Variants in ATL2 observed in about 807,000 individuals in gnomAD.
The protein encoded by ATL2 is atlastin GTPase 2.
Under a neutral mutation model 73.9 loss-of-function variants are expected in ATL2, and 31 were observed. The ratio of observed to expected loss-of-function variants is 0.42; its 90% CI spans 0.32 to 0.57. The LOEUF is 0.57. ATL2 is among the 20% of genes least tolerant of loss of function. The pLI, the probability that ATL2 is intolerant of heterozygous loss-of-function variation, is 0.14. For synonymous variants in ATL2, 291 were observed against 237.5 expected, an observed-to-expected ratio of 1.23 and a Z score of -2.07; for missense variants, 738 against 702.6, an observed-to-expected ratio of 1.05 and a Z score of -0.57.
At chr2:38,321,015 C>T (rs1199039856) in intron 2 of ATL2, among the ~76,000 whole-genome samples, 1 of 150,564 alleles carries the variant, frequency 6.6e-6, no homozygotes, top group Non-Finnish European at 1.5e-5. Context: ...ATTAGCCAGG[C>T]GTGGCGGCAC....
chr2:38,298,940 C>T (rs1419598919), intron 11 of ATL2, among the ~76,000 whole-genome samples: 1 of 152,132 alleles, frequency 6.6e-6, no homozygotes, highest in East Asian at 1.9e-4. Context: ...CAAGCAAGTA[C>T]AGAAACTGCT....
chr2:38,302,992 A>C (rs1347674720), intron 9 of ATL2, among the ~76,000 whole-genome samples: 2 of 152,206 alleles, frequency 1.3e-5, no homozygotes, highest in Non-Finnish European at 2.9e-5. Flanking sequence ...AGCACCAGTG[A>C]CCAATCCTGG....
Position 38,318,525 on chromosome 2 carries a change from T to G in ATL2, c.603+10A>C. 6.4e-7 allele frequency: 1 copy of G among 1,563,828 alleles called. No individual in the cohort carries two copies. The stretch of plus-strand genomic sequence containing the variant: ...GTGAACTGATCGCACCACTTAATCT[T>G]GTGTCTCACCTGGACAGAGCTAGTC... On this transcript the variant is annotated intron_variant, in intron 4 of 12. Coordinates refer to ENST00000378954, the MANE Select transcript of ATL2 (RefSeq NM_001135673.4).
chr2:38,300,131 C>T (rs1276578283), intron 10 of ATL2, 141 bp downstream of exon 10: 17 of 632,548 alleles, frequency 2.7e-5, no homozygotes, highest in Non-Finnish European at 4.0e-5. Flanking sequence ...TTAGGACCCA[C>T]GACACATACG....
At chr2:38,339,209 C>T (rs955911502) in intron 2 of ATL2, among the ~76,000 whole-genome samples, 1 of 151,546 alleles carries the variant, frequency 6.6e-6, no homozygotes, top group Non-Finnish European at 1.5e-5. Flanking sequence ...AGGGAAACTA[C>T]GTCTCAAAAA....
chr2:38,316,782 C>G (rs1668046586), intron 4 of ATL2, among the ~76,000 whole-genome samples: 1 of 152,044 alleles, frequency 6.6e-6, no homozygotes, highest in Non-Finnish European at 1.5e-5. Flanking sequence ...AGGTCTCTTA[C>G]TATCAAAAAG....
At chr2:38,329,799 A>T (rs569241319) in intron 2 of ATL2, among the ~76,000 whole-genome samples, 3 of 152,186 alleles carry the variant, frequency 2.0e-5, no homozygotes, top group Admixed American at 1.3e-4. Context: ...AACAACTTAA[A>T]GTCAATAAAT....
rs763899562 is a variant in ATL2, at chr2:38,309,477, G to C, written c.973C>G (p.Arg325Gly). ...DIDEDFKREL[R>G]NLVPLLLAPE... ...GCAAGCAGCAATGGAACCAGATTTC[G>C]AAGCTCTCGTTTAAAGTCTTCATCA... Residue 325 changes from arginine (R) to glycine (G), a missense_variant, in exon 9 of 13, where the codon CGA becomes GGA. Transcript: ENST00000378954. 13 of 1,612,178 alleles carry C rather than the reference G, an allele frequency of 8.1e-6. No individual in the cohort carries two copies. Among genetic ancestry groups the C allele is most frequent in the Non-Finnish European group, 1.1e-5 (13 of 1,179,608 alleles).
At chr2:38,316,483 T>C (rs959082035) in intron 4 of ATL2, among the ~76,000 whole-genome samples, 2 of 152,186 alleles carry the variant, frequency 1.3e-5, no homozygotes, top group African/African-American at 4.8e-5. Flanking sequence ...CAGTATGTAT[T>C]TGTTGAAGGA....
intron 4 of ATL2, among the ~76,000 whole-genome samples, chr2:38,317,952 T>C (rs1035782636): frequency 1.7e-4 from 26 of 152,088 alleles, no homozygotes; most frequent in Non-Finnish European, 3.1e-4. Context: ...GAAATGTAAA[T>C]AGCTCTCAAG....
chr2:38,339,543 T>G (rs895896938), intron 2 of ATL2, among the ~76,000 whole-genome samples: 3 of 152,042 alleles, frequency 2.0e-5, no homozygotes, highest in Non-Finnish European at 4.4e-5. Context: ...CTTAAAAAAA[T>G]ATGACCTCTA....
intron 2 of ATL2, among the ~76,000 whole-genome samples, chr2:38,336,470 T>C (rs745835979): frequency 1.3e-5 from 2 of 152,174 alleles, no homozygotes; most frequent in Non-Finnish European, 2.9e-5. Context: ...TACCAGTGCA[T>C]AGCAAGAAAA....
At position 38,294,136 on chromosome 2, in the gene ATL2, A is replaced by G. The variant is rs1487339161; in HGVS notation, c.*1858T>C. Among the ~76,000 whole-genome samples, 1 of 152,260 alleles carries G rather than the reference A, an allele frequency of 6.6e-6. No homozygotes were observed. Among genetic ancestry groups the G allele is most frequent in the Non-Finnish European group, 1.5e-5 (1 of 68,042 alleles). Reference sequence around the variant, plus strand: ...AGTTAGCAATTTAATACAGATGAAAACAAATACAATCCATATAAAAACAGA... The same window carrying G: ...AGTTAGCAATTTAATACAGATGAAAGCAAATACAATCCATATAAAAACAGA... On this transcript the variant is annotated 3_prime_UTR_variant, in exon 13 of 13. Coordinates refer to ENST00000378954, the MANE Select transcript of ATL2 (RefSeq NM_001135673.4).
At chr2:38,312,896 C>A (rs1047596561) in intron 7 of ATL2, among the ~76,000 whole-genome samples, 4 of 152,106 alleles carry the variant, frequency 2.6e-5, no homozygotes, top group African/African-American at 9.7e-5. Flanking sequence ...GACTAATACA[C>A]AAGTACTTCC....
At chr2:38,367,110 G>T (rs183372173) in intron 1 of ATL2, among the ~76,000 whole-genome samples, 3 of 151,642 alleles carry the variant, frequency 2.0e-5, no homozygotes, top group East Asian at 1.9e-4. Flanking sequence ...ACGAGCCACC[G>T]CACACAGCCA....
At chr2:38,357,292 C>G (rs952401375) in intron 1 of ATL2, among the ~76,000 whole-genome samples, 1 of 152,030 alleles carries the variant, frequency 6.6e-6, no homozygotes, top group East Asian at 1.9e-4. Flanking sequence ...CACGCCACTG[C>G]ACTCCAGCCT....
chr2:38,308,032 G>A (rs1245599668), intron 9 of ATL2, among the ~76,000 whole-genome samples: 2 of 152,170 alleles, frequency 1.3e-5, no homozygotes, highest in Non-Finnish European at 2.9e-5. Context: ...CAACCACTAT[G>A]GAGAACAGTT....
At position 38,318,636 on chromosome 2, in the gene ATL2, C is replaced by A; in HGVS notation, c.502G>T (p.Ala168Ser). The A allele has an allele frequency of 6.3e-7, 1 of 1,590,460 alleles. No individual in the cohort carries two copies. Among genetic ancestry groups the A allele is most frequent in the Non-Finnish European group, 8.5e-7 (1 of 1,172,646 alleles). ...CCCTGGGTATCCATAAGCAGCACAG[C>A]AACCTAGGAATTTGAGAGTTTAAAA... ...VIDRPNGTKV[A>S]VLLMDTQGAF... Residue 168 changes from alanine (A) to serine (S), a missense_variant, in exon 4 of 13, where the codon GCT becomes TCT. Transcript: ENST00000378954.
At chr2:38,364,514 C>T (rs1206832319) in intron 1 of ATL2, among the ~76,000 whole-genome samples, 3 of 152,190 alleles carry the variant, frequency 2.0e-5, no homozygotes, top group Admixed American at 6.5e-5. Context: ...AGTTCTTAAA[C>T]ATCATTCTCT....
Sources: gnomAD v4.1 joint callset for allele counts (sites outside exome capture counted in the v4.1 genomes callset) on GRCh38, gnomAD v4.1.1 for gene constraint, MANE v1.5 for transcripts, NCBI Gene and HGNC (gene_info 2026-07-23, HGNC 2026-07-21) for gene names.